Variants in ACLY observed in about 807,000 individuals in gnomAD.
The protein encoded by ACLY is ATP citrate lyase.
Under a neutral mutation model 133.0 loss-of-function variants are expected in ACLY, and 41 were observed. The observed-to-expected ratio is 0.31, with a 90% CI of 0.24 to 0.40. ACLY has a LOEUF of 0.40. Among genes scored for constraint, ACLY ranks in the 10% least tolerant of loss-of-function variants. ACLY has a pLI of 1.00. For synonymous variants in ACLY, 495 were observed against 549.3 expected, an observed-to-expected ratio of 0.90 and a Z score of 1.38; for missense variants, 1,046 against 1,453.8, an observed-to-expected ratio of 0.72 and a Z score of 4.56.
At chr17:41,925,846 T>G (rs1454215374) in intron 1 of ACLY, among the ~76,000 whole-genome samples, 1 of 151,644 alleles carries the variant, frequency 6.6e-6, no homozygotes, top group Non-Finnish European at 1.5e-5. Context: ...ACTACATAGG[T>G]GTACTTTTTT....
chr17:41,929,020 G>A (rs2144469908), intron 1 of ACLY, among the ~76,000 whole-genome samples: 1 of 151,942 alleles, frequency 6.6e-6, no homozygotes, highest in African/African-American at 2.4e-5. Context: ...TTTCACTGCA[G>A]GTCCTTAAAC....
chr17:41,887,502 G>T, intron 17 of ACLY, 97 bp downstream of exon 17: 1 of 968,252 alleles, frequency 1.0e-6, no homozygotes, highest in Non-Finnish European at 1.7e-6. Context: ...TCTCAACCTA[G>T]GAGGGAGATA....
intron 23 of ACLY, among the ~76,000 whole-genome samples, chr17:41,873,333 C>T (rs1050609090): frequency 6.6e-6 from 1 of 152,170 alleles, no homozygotes; most frequent in South Asian, 2.1e-4. Context: ...GCGTGCACCA[C>T]TATGCCTGGC....
Position 41,897,809 on chromosome 17 carries a change from A to T in ACLY, c.1369T>A (p.Ser457Thr). 1 of 1,613,766 alleles carries T rather than the reference A, an allele frequency of 6.2e-7. No individual in the cohort carries two copies. Among genetic ancestry groups the T allele is most frequent in the Non-Finnish European group, 8.5e-7 (1 of 1,179,858 alleles). Residue 457 changes from serine to threonine, a missense_variant, in exon 13 of 29, where the codon TCT (serine) becomes ACT (threonine). Physicochemically the swap from Ser to Thr is moderately conservative, Grantham distance 58 (BLOSUM62 1). Transcript: ENST00000352035. The part of the protein sequence containing the change: ...TPAPSRTASF[S>T]ESRADEVAPA... The stretch of plus-strand genomic sequence containing the variant: ...GCCACCTCATCGGCCCTGGACTCAG[A>T]AAAAGATGCTGTCCTGCTGGGGGCT...
intron 1 of ACLY, among the ~76,000 whole-genome samples, chr17:41,928,403 T>C (rs527936332): frequency 2.0e-5 from 3 of 152,334 alleles, no homozygotes; most frequent in East Asian, 1.9e-4. Flanking sequence ...TACATATTTA[T>C]GCTAATACCA....
upstream of ACLY, among the ~76,000 whole-genome samples, chr17:41,923,280 G>C (rs2050203762): frequency 6.6e-6 from 1 of 152,180 alleles, no homozygotes; most frequent in African/African-American, 2.4e-5. Flanking sequence ...AGAATACAGA[G>C]GGTTATAGGC....
chr17:41,922,370 CAAA>C (rs1164362085), upstream of ACLY, among the ~76,000 whole-genome samples: 1 of 30,932 alleles, frequency 3.2e-5, no homozygotes, highest in African/African-American at 1.1e-4. Flanking sequence ...CAGAGCGAGA[CAAA>C]AAAAAAAAAA....
At chr17:41,900,403 T>C (rs1555631365) in intron 11 of ACLY, among the ~76,000 whole-genome samples, 2 of 151,062 alleles carry the variant, frequency 1.3e-5, no homozygotes, top group Non-Finnish European at 3.0e-5. Flanking sequence ...AAATTAACCC[T>C]ATTCAATTCA....
chr17:41,908,669 C>A (rs1246381172), intron 6 of ACLY, among the ~76,000 whole-genome samples: 2 of 152,174 alleles, frequency 1.3e-5, no homozygotes, highest in African/African-American at 4.8e-5. Flanking sequence ...AAGGCTGAGG[C>A]AGAAAAATTG....
upstream of ACLY, among the ~76,000 whole-genome samples, chr17:41,921,952 T>G (rs1385397857): frequency 2.0e-5 from 3 of 152,046 alleles, no homozygotes; most frequent in African/African-American, 7.2e-5. Flanking sequence ...TCCCAGCACT[T>G]TGGGAGGCTG....
intron 3 of ACLY, among the ~76,000 whole-genome samples, chr17:41,911,042 C>T (rs1018942279): frequency 6.6e-6 from 1 of 152,138 alleles, no homozygotes; most frequent in Non-Finnish European, 1.5e-5. Context: ...CAGCATCCCT[C>T]CCTCCAATCC....
upstream of ACLY, among the ~76,000 whole-genome samples, chr17:41,922,534 T>C (rs782381745): frequency 3.9e-5 from 6 of 152,136 alleles, no homozygotes; most frequent in Non-Finnish European, 5.9e-5. Context: ...ATAAACTCTT[T>C]GAAGGTCAAT....
At position 41,930,516 on chromosome 17, in the gene ACLY, T is replaced by C. The variant is rs550066781; in HGVS notation, c.-186A>G. 7.7e-6 allele frequency: 4 copies of C among 519,118 alleles called. No homozygotes were observed. The African/African-American group carries it at 7.7e-5, about 10-fold the overall frequency. The allele number at this position is 519,118 out of a possible 1,614,324, so 32.2% of individuals were successfully genotyped here. ...AGCCCAGCCGTCAGCCACGCAATCA[T>C]CACTCCCTGGCCCAGTGCGCGGCAG... On this transcript the variant is annotated 5_prime_UTR_variant, in exon 1 of 4. Transcript: ENST00000592970.
Position 41,876,062 on chromosome 17 carries a change from G to A in ACLY, c.2487+2041C>T, listed in dbSNP as rs563462147. ...GAGCGTCTCTGCCCGGCCGCCCATC[G>A]TCTGAGATGTGGGGATGAGGAGATC... On this transcript the variant is annotated intron_variant, in intron 22 of 28. Coordinates refer to ENST00000352035, the MANE Select transcript of ACLY (RefSeq NM_001096.3). Among the ~76,000 whole-genome samples the A allele has an allele frequency of 3.6e-3, 521 of 145,466 alleles. 6 individuals carry two copies. Among genetic ancestry groups the A allele is most frequent in the African/African-American group, 0.013 (495 of 39,048 alleles).
intron 1 of ACLY, 149 bp downstream of exon 1, chr17:41,918,731 A>AGGTT: frequency 2.0e-6 from 2 of 997,916 alleles, no homozygotes; most frequent in Non-Finnish European, 2.6e-6. Context: ...GGCGAAGGCT[A>AGGTT]ACCTAAAGCT....
chr17:41,902,074 T>C (rs917998991), intron 10 of ACLY, among the ~76,000 whole-genome samples: 3 of 152,114 alleles, frequency 2.0e-5, no homozygotes, highest in Admixed American at 6.6e-5. Flanking sequence ...TGGTCTCTCT[T>C]TTGTCCCTTC....
At position 41,888,989 on chromosome 17, in the gene ACLY, A is replaced by C. The variant is rs148241011; in HGVS notation, c.1771-1286T>G. ...CAAAATTAGCCAGGCATAGTGATGC[A>C]TGCCTGTAATCCCAGCTACTTGGGA... On this transcript the variant is annotated intron_variant, in intron 16 of 28. Coordinates refer to ENST00000352035, the MANE Select transcript of ACLY (RefSeq NM_001096.3). 1.3e-5 allele frequency among the ~76,000 whole-genome samples: 2 copies of C among 152,244 alleles called. 1 individual carries two copies. The highest frequency in any genetic ancestry group is 2.9e-5 in the Non-Finnish European group (2 of 68,014).
upstream of ACLY, among the ~76,000 whole-genome samples, chr17:41,919,438 C>T (rs1477141816): frequency 1.3e-5 from 2 of 152,234 alleles, no homozygotes; most frequent in African/African-American, 2.4e-5. Context: ...TAGACAGTCT[C>T]CTTAAGCAGC....
Position 41,878,842 on chromosome 17 carries a change from C to T in ACLY, c.2348G>A (p.Gly783Glu). 3 of 1,614,090 alleles carry T rather than the reference C, an allele frequency of 1.9e-6. No individual in the cohort carries two copies. The highest frequency in any genetic ancestry group is 2.5e-6 in the Non-Finnish European group (3 of 1,179,998). Residue 783 changes from glycine (G) to glutamate (E), a missense_variant, in exon 21 of 29, where the codon GGA (glycine) becomes GAA (glutamate). By Grantham distance (98) the Gly-to-Glu change is moderately conservative (BLOSUM62 -2). This residue lies in a region of ACLY where 575 missense variants were observed against 804.2 expected (regional missense o/e 0.71). Coordinates refer to ENST00000352035, the MANE Select transcript of ACLY (RefSeq NM_001096.3). Reference protein sequence around the residue: ...VAKNQALKEAGVFVPRSFDEL... With the variant: ...VAKNQALKEAEVFVPRSFDEL... ...ATCAAAGCTCCGGGGCACAAACACT[C>T]CTGCTTCCTTCAAAGCCTGGTTCTT...
Sources: allele counts gnomAD v4.1 joint callset (sites outside exome capture counted in the v4.1 genomes callset), GRCh38; gene constraint gnomAD v4.1.1; regional missense constraint gnomAD v4.1.1; transcripts MANE v1.5; gene names NCBI Gene and HGNC (gene_info 2026-07-23, HGNC 2026-07-21).